Variants in CPXM2 observed in about 807,000 individuals in gnomAD.
CPXM2 encodes inactive carboxypeptidase-like protein X2.
Under a neutral mutation model 86.1 loss-of-function variants are expected in CPXM2, and 66 were observed. The observed-to-expected ratio is 0.77, with a 90% CI of 0.63 to 0.94. CPXM2 has a LOEUF of 0.94. Ranked by LOEUF, CPXM2 falls within the 40% of genes least tolerant of loss-of-function variation. The pLI, the probability that CPXM2 is intolerant of heterozygous loss-of-function variation, is 0.00. For synonymous variants in CPXM2, 388 were observed against 400.2 expected, an observed-to-expected ratio of 0.97 and a Z score of 0.36; for missense variants, 948 against 1,026.3, an observed-to-expected ratio of 0.92 and a Z score of 1.04.
In CPXM2 at chr10:123,891,408, C is replaced by T. The variant is rs1206245994; in HGVS notation, c.252G>A (p.Lys84=). 5 of 1,565,092 alleles carry T rather than the reference C, an allele frequency of 3.2e-6. No individual in the cohort carries two copies. The highest frequency in any genetic ancestry group is 4.3e-6 in the Non-Finnish European group (5 of 1,154,736). The change falls in exon 1 of 14, where the codon AAG becomes AAA. Residue 84 remains lysine (K), a synonymous_variant. Coordinates refer to ENST00000241305, the MANE Select transcript of CPXM2 (RefSeq NM_198148.3). The surrounding 1 kb of genome is among the most constrained non-coding windows in gnomAD (Gnocchi z 5.6). The part of the protein sequence containing the change: ...QEPRPPKRAT[K]PKKAPKREKS... ...TCTCCCTCTTGGGAGCTTTCTTGGGCTTGGTGGCCCTCTTGGGCGGCCTGG... is the reference window on the plus strand; with the variant it reads ...TCTCCCTCTTGGGAGCTTTCTTGGGTTTGGTGGCCCTCTTGGGCGGCCTGG...
At chr10:123,779,097 C>G (rs1306615897) in intron 7 of CPXM2, among the ~76,000 whole-genome samples, 1 of 152,240 alleles carries the variant, frequency 6.6e-6, no homozygotes, top group East Asian at 1.9e-4. Flanking sequence ...TTAGCACCTA[C>G]AAGCCCTCCC....
intron 2 of CPXM2, among the ~76,000 whole-genome samples, chr10:123,867,996 G>C (rs917935959): frequency 6.6e-6 from 1 of 152,220 alleles, no homozygotes; most frequent in Non-Finnish European, 1.5e-5. Context: ...GTAAGAGAGA[G>C]GAGGTCTGGG....
At chr10:123,775,391 C>T (rs1335212346) in intron 7 of CPXM2, among the ~76,000 whole-genome samples, 1 of 152,214 alleles carries the variant, frequency 6.6e-6, no homozygotes, top group Admixed American at 6.5e-5. Flanking sequence ...CCTGGTGGCT[C>T]ATCACGAACT....
chr10:123,858,921 C>A (rs2134189252), intron 3 of CPXM2, among the ~76,000 whole-genome samples: 1 of 152,332 alleles, frequency 6.6e-6, no homozygotes, highest in South Asian at 2.1e-4. Context: ...ACTCACAATT[C>A]CATGACGGAG....
At chr10:123,748,290 G>A (rs1202756089) in intron 13 of CPXM2, among the ~76,000 whole-genome samples, 1 of 152,166 alleles carries the variant, frequency 6.6e-6, no homozygotes, top group African/African-American at 2.4e-5. Flanking sequence ...TAGAGAAAAG[G>A]TTGGGTTTGA....
intron 2 of CPXM2, among the ~76,000 whole-genome samples, chr10:123,866,292 G>A (rs750683228): frequency 1.8e-4 from 28 of 152,084 alleles, no homozygotes; most frequent in African/African-American, 6.0e-4. Context: ...GACCGGGTGC[G>A]GTGGCTCACG....
chr10:123,855,010 C>T (rs560966123), intron 3 of CPXM2, among the ~76,000 whole-genome samples: 7 of 151,956 alleles, frequency 4.6e-5, no homozygotes, highest in African/African-American at 1.7e-4. Flanking sequence ...CTTCTACCGG[C>T]TTGTATGTCT....
chr10:123,802,159 G>A (rs56156304), intron 4 of CPXM2, among the ~76,000 whole-genome samples: 40 of 152,202 alleles, frequency 2.6e-4, no homozygotes, highest in Admixed American at 2.1e-3. Flanking sequence ...CCATTTGATA[G>A]GAGTGGAACT....
At chr10:123,854,663 C>G (rs61861890) in intron 3 of CPXM2, among the ~76,000 whole-genome samples, 3,458 of 150,800 alleles carry the variant, frequency 0.023, 69 homozygotes, top group South Asian at 0.087. Flanking sequence ...CCCCCGGAGC[C>G]TGTGTGTCTA....
chr10:123,932,601 T>G (rs943146350), intron 2 of CPXM2, among the ~76,000 whole-genome samples: 31 of 152,242 alleles, frequency 2.0e-4, no homozygotes, highest in African/African-American at 7.5e-4. Context: ...CTCTGCTCCT[T>G]GCAATCTCAT....
intron 2 of CPXM2, among the ~76,000 whole-genome samples, chr10:123,897,901 G>A (rs766767839): frequency 2.6e-5 from 4 of 152,256 alleles, no homozygotes; most frequent in Non-Finnish European, 5.9e-5. Flanking sequence ...TGGAAGGTCT[G>A]AGTTCAGGCA....
intron 2 of CPXM2, among the ~76,000 whole-genome samples, chr10:123,907,103 G>A (rs1945449492): frequency 6.6e-6 from 1 of 152,226 alleles, no homozygotes; most frequent in Non-Finnish European, 1.5e-5. Flanking sequence ...GTTCTAAATA[G>A]TAGAGTTTCC....
intron 12 of CPXM2, among the ~76,000 whole-genome samples, chr10:123,756,358 C>T (rs1846211675): frequency 6.6e-6 from 1 of 152,208 alleles, no homozygotes; most frequent in South Asian, 2.1e-4. Context: ...AGAACTAGAA[C>T]TGGTGAATTC....
chr10:123,757,517 G>A (rs1307453923), intron 11 of CPXM2, among the ~76,000 whole-genome samples, 165 bp from the exon 12 acceptor site: 1 of 152,248 alleles, frequency 6.6e-6, no homozygotes, highest in South Asian at 2.1e-4. Context: ...TAGAGCAAAT[G>A]TGTGTGAGTT....
chr10:123,896,922 G>A (rs981780805), upstream of CPXM2, among the ~76,000 whole-genome samples: 2 of 152,206 alleles, frequency 1.3e-5, no homozygotes, highest in Non-Finnish European at 2.9e-5. Flanking sequence ...GCTTGCCTCT[G>A]TATCTGGGAG....
intron 3 of CPXM2, among the ~76,000 whole-genome samples, chr10:123,846,698 G>A (rs1309472833): frequency 6.6e-6 from 1 of 152,162 alleles, no homozygotes; most frequent in African/African-American, 2.4e-5. Context: ...GAATGATGGT[G>A]AAGAAGACCC....
Position 123,780,023 on chromosome 10 carries a change from T to G in CPXM2, c.978+144A>C, listed in dbSNP as rs982527746. On this transcript the variant is annotated intron_variant, in intron 7 of 13. Coordinates refer to ENST00000241305, the MANE Select transcript of CPXM2 (RefSeq NM_198148.3). ...ACCCAGAATCTTGAAATGACAAGCA[T>G]TTAGTGTGTCTTCAGCAAACCAAAT... is the stretch of plus-strand genomic sequence containing the variant. 3 of 602,488 alleles carry G rather than the reference T, an allele frequency of 5.0e-6. No individual in the cohort carries two copies. The African/African-American group carries it at 5.5e-5, about 11-fold the overall frequency. 37.3% of individuals were successfully genotyped at this position (602,488 alleles called of 1,614,324 possible). A position where few individuals can be genotyped will look rare whatever the true frequency, so the allele number is the denominator to read the frequency against.
intron 2 of CPXM2, among the ~76,000 whole-genome samples, chr10:123,934,178 T>A (rs1945693396): frequency 6.6e-6 from 1 of 152,164 alleles, no homozygotes; most frequent in Non-Finnish European, 1.5e-5. Flanking sequence ...CTGTACCCAA[T>A]GACACCGAGC....
chr10:123,922,053 A>G (rs1945583171), intron 2 of CPXM2, among the ~76,000 whole-genome samples: 1 of 152,192 alleles, frequency 6.6e-6, no homozygotes, highest in African/African-American at 2.4e-5. Context: ...CCTGAGCACA[A>G]TTGACATTTG....
Sources: gnomAD v4.1 joint callset for allele counts (sites outside exome capture counted in the v4.1 genomes callset) on GRCh38, gnomAD v4.1.1 for gene constraint, Gnocchi (gnomAD v3.1) non-coding constraint, MANE v1.5 for transcripts, NCBI Gene and HGNC (gene_info 2026-07-23, HGNC 2026-07-21) for gene names.